Variants in CSMD1 observed in about 807,000 individuals in gnomAD.
The protein encoded by CSMD1 is CUB and Sushi multiple domains 1.
CSMD1 carries 213 observed loss-of-function variants against 417.5 expected under a neutral mutation model. The ratio of observed to expected loss-of-function variants is 0.51; its 90% confidence interval spans 0.46 to 0.57. CSMD1 has a LOEUF of 0.57. Among genes scored for constraint, CSMD1 ranks in the 20% least tolerant of loss-of-function variants. The pLI, the probability that CSMD1 is intolerant of heterozygous loss-of-function variation, is 0.00. For missense variants in CSMD1, 6,923 were observed against 4,529.7 expected (o/e 1.53, Z -15.17); for synonymous variants, 2,862 against 1,736.8 (o/e 1.65, Z -16.11).
At chr8:4,221,428 C>A (rs1801024598) in intron 3 of CSMD1, among the ~76,000 whole-genome samples, 1 of 151,028 alleles carries the variant, frequency 6.6e-6, no homozygotes, top group Admixed American at 6.6e-5. Context: ...TGAGAAGCTA[C>A]TGGGTTAACA....
intron 4 of CSMD1, among the ~76,000 whole-genome samples, chr8:4,027,512 C>A (rs1428275251): frequency 6.6e-6 from 1 of 152,120 alleles, no homozygotes; most frequent in Non-Finnish European, 1.5e-5. Context: ...GTCTTTCACC[C>A]TTCACTCTGT....
chr8:4,610,468 C>G (rs1251229219), intron 2 of CSMD1, among the ~76,000 whole-genome samples: 1 of 152,108 alleles, frequency 6.6e-6, no homozygotes, highest in Non-Finnish European at 1.5e-5. Context: ...CAGGGACAGG[C>G]TCCAGAACCC....
chr8:3,025,061 A>G lies in CSMD1; in HGVS notation c.7855+4258T>C, dbSNP rs370723404. 2.0e-4 allele frequency among the ~76,000 whole-genome samples: 30 copies of G among 150,446 alleles called. 4 individuals are homozygous for G. In the East Asian group the frequency reaches 2.3e-3, roughly 12 times the overall value. ...CTGAAACCCTGTATTGTGTGGTGTTATTCTAAAACTGTGTATTGTGTGGTG... is the reference window on the plus strand; with the variant it reads ...CTGAAACCCTGTATTGTGTGGTGTTGTTCTAAAACTGTGTATTGTGTGGTG... On this transcript the variant is annotated intron_variant, in intron 51 of 69. Transcript: ENST00000635120.
At chr8:3,968,333 T>C (rs1812833879) in intron 5 of CSMD1, among the ~76,000 whole-genome samples, 1 of 152,182 alleles carries the variant, frequency 6.6e-6, no homozygotes, top group African/African-American at 2.4e-5. Flanking sequence ...GACAGAGGGC[T>C]ATAATCTCCC....
chr8:3,947,151 T>C (rs769178083), intron 5 of CSMD1, among the ~76,000 whole-genome samples: 1 of 152,220 alleles, frequency 6.6e-6, no homozygotes, highest in South Asian at 2.1e-4. Flanking sequence ...AGTAAGAAAT[T>C]AGTTATAAAA....
intron 1 of CSMD1, among the ~76,000 whole-genome samples, chr8:4,771,784 A>T (rs557652013): frequency 1.3e-5 from 2 of 152,188 alleles, no homozygotes; most frequent in Non-Finnish European, 1.5e-5. Flanking sequence ...TTGACTTTCC[A>T]CATCCCTGAT....
intron 5 of CSMD1, among the ~76,000 whole-genome samples, chr8:3,928,343 A>G (rs901497095): frequency 3.3e-5 from 5 of 151,678 alleles, no homozygotes; most frequent in Non-Finnish European, 5.9e-5. Flanking sequence ...TGAGTGGTAA[A>G]CAAATGATAT....
intron 2 of CSMD1, among the ~76,000 whole-genome samples, chr8:4,595,674 G>C (rs1393572329): frequency 6.6e-6 from 1 of 152,114 alleles, no homozygotes; most frequent in Non-Finnish European, 1.5e-5. Flanking sequence ...GGCTGAGGCT[G>C]GAGGATCCCT....
chr8:3,360,089 C>T (rs1293363802), intron 20 of CSMD1, among the ~76,000 whole-genome samples: 1 of 152,148 alleles, frequency 6.6e-6, no homozygotes, highest in Non-Finnish European at 1.5e-5. Context: ...GAAATCTTAT[C>T]AGAGCCAATT....
intron 6 of CSMD1, among the ~76,000 whole-genome samples, chr8:3,753,694 A>C (rs184600504): frequency 6.6e-6 from 1 of 152,334 alleles, no homozygotes; most frequent in Admixed American, 6.5e-5. Context: ...ATTAAAACTT[A>C]GCAATTGTTC....
intron 37 of CSMD1, among the ~76,000 whole-genome samples, chr8:3,173,367 C>T (rs912640222): frequency 6.6e-6 from 1 of 152,110 alleles, no homozygotes; most frequent in East Asian, 1.9e-4. Flanking sequence ...TTAGATATTT[C>T]CATGGTCCTT....
chr8:3,041,391 AG>A, intron 50 of CSMD1, among the ~76,000 whole-genome samples: 1 of 152,320 alleles, frequency 6.6e-6, no homozygotes, highest in Admixed American at 6.5e-5. Context: ...AAAGAATCCC[AG>A]GTAATATCAT....
intron 5 of CSMD1, among the ~76,000 whole-genome samples, chr8:3,988,351 C>A (rs151331500): frequency 2.6e-5 from 4 of 152,246 alleles, no homozygotes; most frequent in African/African-American, 7.2e-5. Flanking sequence ...ATAACTACTG[C>A]AATGTTTTTC....
At chr8:2,970,635 C>G (rs1804380642) in intron 57 of CSMD1, among the ~76,000 whole-genome samples, 1 of 152,126 alleles carries the variant, frequency 6.6e-6, no homozygotes, top group African/African-American at 2.4e-5. Context: ...GATCTTTCAG[C>G]CTCTCTGTTT....
intron 1 of CSMD1, among the ~76,000 whole-genome samples, chr8:4,979,763 C>T (rs889837527): frequency 4.6e-5 from 7 of 152,204 alleles, no homozygotes; most frequent in African/African-American, 9.7e-5. Flanking sequence ...GTTGGCCACG[C>T]GTGGTGGCTC....
intron 3 of CSMD1, among the ~76,000 whole-genome samples, chr8:4,071,152 A>T (rs1799535139): frequency 6.6e-6 from 1 of 151,322 alleles, no homozygotes; most frequent in Non-Finnish European, 1.5e-5. Flanking sequence ...GGAGAATGTC[A>T]TCCATTAGTA....
Position 2,998,205 on chromosome 8 carries a change from G to A in CSMD1, c.8204-21C>T, listed in dbSNP as rs532914642. On this transcript the variant is annotated intron_variant, in intron 53 of 69. Coordinates refer to ENST00000635120, the MANE Select transcript of CSMD1 (RefSeq NM_033225.6). Reference sequence around the variant, plus strand: ...GATGGCTGTAGAGAGACAGGTCAACGTCATTGTTAAATATTGAACAGGTCA... The same window carrying A: ...GATGGCTGTAGAGAGACAGGTCAACATCATTGTTAAATATTGAACAGGTCA... 5.0e-5 allele frequency: 80 copies of A among 1,611,586 alleles called. No individual in the cohort carries two copies. In the East Asian group the frequency reaches 1.6e-3, roughly 32 times the overall value.
chr8:3,495,719 A>C (rs926711113), intron 10 of CSMD1, among the ~76,000 whole-genome samples: 3 of 152,190 alleles, frequency 2.0e-5, no homozygotes, highest in Non-Finnish European at 4.4e-5. Context: ...AGAGTAAAAG[A>C]ACCAGAGATG....
At chr8:4,253,158 A>T (rs533539672) in intron 3 of CSMD1, among the ~76,000 whole-genome samples, 1 of 152,210 alleles carries the variant, frequency 6.6e-6, no homozygotes, top group South Asian at 2.1e-4. Context: ...CGATAAACTC[A>T]TTAGGAAACA....
Sources: gnomAD v4.1 joint callset for allele counts (sites outside exome capture counted in the v4.1 genomes callset) on GRCh38, gnomAD v4.1.1 for gene constraint, MANE v1.5 for transcripts, NCBI Gene and HGNC (gene_info 2026-07-23, HGNC 2026-07-21) for gene names.